Variants in GPT observed in about 807,000 individuals in gnomAD.
GPT encodes the protein glutamic--pyruvic transaminase.
Under a neutral mutation model 51.4 loss-of-function variants are expected in GPT, and 60 were observed. The ratio of observed to expected loss-of-function variants is 1.17; its 90% CI spans 0.95 to 1.45. The LOEUF (loss-of-function observed/expected upper bound fraction) is 1.45, where lower values mean the gene tolerates loss of function less well. GPT is among the 40% of genes most tolerant of loss of function. GPT has a pLI of 0.00. For synonymous variants in GPT, 397 were observed against 303.1 expected (o/e 1.31, Z -3.22); for missense variants, 853 against 704.0 (o/e 1.21, Z -2.40).
At position 144,504,675 on chromosome 8, in the gene GPT, C is replaced by G. The variant is rs372867794; in HGVS notation, c.234C>G (p.Pro78=). 6.2e-7 allele frequency: 1 copy of G among 1,613,346 alleles called. No homozygotes were observed. Among genetic ancestry groups the G allele is most frequent in the Non-Finnish European group, 8.5e-7 (1 of 1,180,004 alleles). ...ACGCACAGGCTATGGGGCAGAGGCC[C>G]ATCACCTTCCTGCGCCAGGTGAGGC... ...IGDAQAMGQR[P]ITFLRQVLAL... The change falls in exon 2 of 11, where the codon CCC becomes CCG. Residue 78 remains proline (P), a synonymous_variant. Coordinates refer to ENST00000394955, the MANE Select transcript of GPT (RefSeq NM_005309.3).
chr8:144,504,736 C>A, intron 2 of GPT, 35 bp from the exon 3 acceptor site: 1 of 1,612,190 alleles, frequency 6.2e-7, no homozygotes, highest in South Asian at 1.1e-5. Context: ...CACCCCCAGC[C>A]CATGTGCCCT....
rs368474149 is a variant in GPT at position 144,504,859 on chromosome 8, C to T, written c.341C>T (p.Ala114Val). The change falls in exon 3 of 11, where the codon GCG becomes GTG. Residue 114 changes from alanine to valine, a missense_variant. By Grantham distance (64) the Ala-to-Val change is moderately conservative. Transcript: ENST00000394955. The part of the protein sequence containing the change: ...AKKRAERILQ[A>V]CGGHSLGAYS... ...AAAAGGGCGGAGCGCATCTTGCAGG[C>T]GTGTGGGGGCCACAGTCTGGGTGAG... The T allele has an allele frequency of 4.8e-5, 78 of 1,613,194 alleles. No homozygotes were observed. Among genetic ancestry groups the T allele is most frequent in the Middle Eastern group, 3.3e-4 (2 of 6,084 alleles).
chr8:144,506,869 C>T lies in GPT; in HGVS notation c.1400+26C>T. On this transcript the variant is annotated intron_variant, in intron 10 of 10. Transcript: ENST00000394955. The surrounding 1 kb of genome is among the most constrained non-coding windows in gnomAD (Gnocchi z 7.0). ...GTGAGGCCTGGCCCTCACTCCCTGT[C>T]CCGCCACCCTGGCCCTTCACTCACT... 1.2e-6 allele frequency: 2 copies of T among 1,611,864 alleles called. No individual in the cohort carries two copies. Among genetic ancestry groups the T allele is most frequent in the Non-Finnish European group, 1.7e-6 (2 of 1,179,008 alleles).
At position 144,506,370 on chromosome 8, in the gene GPT, C is replaced by T. The variant is rs757715535; in HGVS notation, c.1095C>T (p.Pro365=). 17 of 1,561,086 alleles carry T rather than the reference C, an allele frequency of 1.1e-5. No individual in the cohort carries two copies. The highest frequency in any genetic ancestry group is 4.7e-5 in the South Asian group (4 of 85,890). Residue 365 remains proline, a synonymous_variant, in exon 8 of 11, where the codon CCC becomes CCT. Transcript: ENST00000394955. This position sits in a 1 kb window ranked among gnomAD's most constrained non-coding sequence, Gnocchi z 7.0. The stretch of plus-strand genomic sequence containing the variant: ...TGCTGGACCTGGTGGTCAGCCCGCC[C>T]GCGCCCACCGACCCCTCCTTTGCGC... The part of the protein sequence containing the change: ...QALLDLVVSP[P]APTDPSFAQF...
Position 144,506,551 on chromosome 8 carries a change from G to A in GPT, c.1182G>A (p.Glu394=). ...AELAAKAKLT[E]QVFNEAPGIS... ...TGGCGGCCAAGGCCAAGCTCACCGA[G>A]CAGGTCTTCAATGAGGCTCCTGGCA... The change falls in exon 9 of 11, where the codon GAG becomes GAA. Residue 394 remains glutamate (E), a synonymous_variant. Coordinates refer to ENST00000394955, the MANE Select transcript of GPT (RefSeq NM_005309.3). The surrounding 1 kb of genome is among the most constrained non-coding windows in gnomAD (Gnocchi z 7.0). The A allele has an allele frequency of 2.5e-6, 4 of 1,591,024 alleles. No individual in the cohort carries two copies. Among genetic ancestry groups the A allele is most frequent in the Non-Finnish European group, 3.4e-6 (4 of 1,169,994 alleles).
Position 144,506,651 on chromosome 8 carries a change from G to T in GPT, c.1282G>T (p.Ala428Ser). The T allele has an allele frequency of 6.4e-7, 1 of 1,556,776 alleles. No individual in the cohort carries two copies. The highest frequency in any genetic ancestry group is 8.7e-7 in the Non-Finnish European group (1 of 1,150,598). Reference protein sequence around the residue: ...VQLPPRAVERAQELGLAPDMF... With the variant: ...VQLPPRAVERSQELGLAPDMF... ...GCTGCCCCCGCGGGCGGTGGAGCGC[G>T]CTCAGGTCAGGCGGGGGCGGGGCCT... Residue 428 changes from alanine (A) to serine (S), a missense_variant, in exon 9 of 11, where the codon GCT becomes TCT. Coordinates refer to ENST00000394955, the MANE Select transcript of GPT (RefSeq NM_005309.3). The surrounding 1 kb of genome is among the most constrained non-coding windows in gnomAD (Gnocchi z 7.0).
intron 5 of GPT, 80 bp from the exon 6 acceptor site, chr8:144,505,768 T>G (rs1295330273): frequency 4.3e-6 from 5 of 1,167,530 alleles, no homozygotes; most frequent in African/African-American, 1.7e-5. Context: ...CAGTGCCGGG[T>G]CCGCTGGACC....
At chr8:144,505,675 C>T (rs1826763273) in intron 5 of GPT, among the ~76,000 whole-genome samples, 173 bp from the exon 6 acceptor site, 1 of 98,360 alleles carries the variant, frequency 1.0e-5, no homozygotes, top group Non-Finnish European at 2.1e-5. Flanking sequence ...CCCCGCCGCC[C>T]CGCCCCACTC....
chr8:144,504,036 G>C (rs2130609838), upstream of GPT: 2 of 547,824 alleles, frequency 3.7e-6, no homozygotes, highest in Non-Finnish European at 6.6e-6. Context: ...AGCCCCGCCT[G>C]CCACCTCACC....
Position 144,507,044 on chromosome 8 carries a change from T to C in GPT, c.*44T>C. 8.2e-7 allele frequency: 1 copy of C among 1,212,990 alleles called. No individual in the cohort carries two copies. Among genetic ancestry groups the C allele is most frequent in the South Asian group, 1.2e-5 (1 of 84,816 alleles). The allele number at this position is 1,212,990 out of a possible 1,614,324, so 75.1% of individuals were successfully genotyped here. On this transcript the variant is annotated 3_prime_UTR_variant, in exon 11 of 11. Transcript: ENST00000394955. ...GGCTGGGTCGCCCTGGACTGTGTGC[T>C]CAGGAGCCCTGGGAGGCTCTGGAGC...
upstream of GPT, chr8:144,504,013 G>A (rs562085930): frequency 5.8e-5 from 30 of 513,340 alleles, no homozygotes; most frequent in African/African-American, 5.4e-4. Flanking sequence ...GGCAGGCACT[G>A]GGCCTTGCCC....
chr8:144,503,932 A>AT, upstream of GPT: 1 of 328,370 alleles, frequency 3.0e-6, no homozygotes, highest in African/African-American at 2.2e-5. Flanking sequence ...CTAGTCCCTC[A>AT]GAGCTGTCCG....
At position 144,506,781 on chromosome 8, in the gene GPT, G is replaced by A. The variant is rs752135706; in HGVS notation, c.1338G>A (p.Glu446=). The A allele has an allele frequency of 6.2e-7, 1 of 1,612,554 alleles. No homozygotes were observed. The highest frequency in any genetic ancestry group is 8.5e-7 in the Non-Finnish European group (1 of 1,179,988). ...TCTTCTGCCTGCGCCTCCTGGAGGA[G>A]ACCGGCATCTGCGTGGTGCCAGGGA... The part of the protein sequence containing the change: ...DMFFCLRLLE[E]TGICVVPGSG... Residue 446 remains glutamate (E), a synonymous_variant, in exon 10 of 11, where the codon GAG becomes GAA. Transcript: ENST00000394955. The surrounding 1 kb of genome is among the most constrained non-coding windows in gnomAD (Gnocchi z 7.0).
chr8:144,506,244 C>T lies in GPT; in HGVS notation c.969C>T (p.Arg323=), dbSNP rs748143101. Residue 323 remains arginine (R), a synonymous_variant, in exon 8 of 11, where the codon CGC becomes CGT. Coordinates refer to ENST00000394955, the MANE Select transcript of GPT (RefSeq NM_005309.3). The surrounding 1 kb of genome is among the most constrained non-coding windows in gnomAD (Gnocchi z 7.0). ...TGGCCGTGCGCAGGTGCGGGTTCCG[C>T]GGCGGCTATGTGGAGGTGGTGAACA... ...SKGYMGECGF[R]GGYVEVVNMD... The T allele has an allele frequency of 5.6e-6, 9 of 1,606,762 alleles. No homozygotes were observed. The highest frequency in any genetic ancestry group is 1.3e-5 in the African/African-American group (1 of 74,888).
chr8:144,505,179 C>T (rs370098669), intron 4 of GPT, 48 bp downstream of exon 4: 135 of 1,612,598 alleles, frequency 8.4e-5, no homozygotes, highest in Middle Eastern at 1.6e-4. Flanking sequence ...GCAGAGGGGG[C>T]GCCCAGGGTG....
rs776969044 is a variant in GPT at position 144,506,198 on chromosome 8, C to G, written c.957-34C>G. 2 of 1,600,966 alleles carry G rather than the reference C, an allele frequency of 1.2e-6. No homozygotes were observed. Among genetic ancestry groups the G allele is most frequent in the South Asian group, 2.2e-5 (2 of 90,000 alleles). On this transcript the variant is annotated intron_variant, in intron 7 of 10. Transcript: ENST00000394955. This position sits in a 1 kb window ranked among gnomAD's most constrained non-coding sequence, Gnocchi z 7.0. The stretch of plus-strand genomic sequence containing the variant: ...CAGGCCCTCCTCGCCCGATGGGCCA[C>G]CCCCTCCTCCGCACCTGACCTGGCC...
chr8:144,504,576 C>T lies in GPT; in HGVS notation c.163-28C>T, dbSNP rs112827945. 8,748 of 1,609,008 alleles carry T rather than the reference C, an allele frequency of 5.4e-3. 407 individuals are homozygous for T. The African/African-American group carries it at 0.1, about 19-fold the overall frequency. Reference sequence around the variant, plus strand: ...GCTGAGGGGTTAGGTAGGGCACAGTCTCCCTGCCTGCTCCCCTCCCCTCCC... The same window carrying T: ...GCTGAGGGGTTAGGTAGGGCACAGTTTCCCTGCCTGCTCCCCTCCCCTCCC... On this transcript the variant is annotated intron_variant, in intron 1 of 10. Transcript: ENST00000394955.
In GPT at chr8:144,506,552, C is replaced by T; in HGVS notation, c.1183C>T (p.Gln395Ter). 1.3e-6 allele frequency: 2 copies of T among 1,590,700 alleles called. No individual in the cohort carries two copies. The highest frequency in any genetic ancestry group is 1.7e-6 in the Non-Finnish European group (2 of 1,169,812). ...GGCGGCCAAGGCCAAGCTCACCGAG[C>T]AGGTCTTCAATGAGGCTCCTGGCAT... ...ELAAKAKLTE[Q>*]VFNEAPGISC... Residue 395 changes from glutamine to a stop codon, truncating the protein, a stop_gained, in exon 9 of 11, where the codon CAG (glutamine) becomes TAG (stop). Coordinates refer to ENST00000394955, the MANE Select transcript of GPT (RefSeq NM_005309.3). LOFTEE classifies it high-confidence loss of function. This position sits in a 1 kb window ranked among gnomAD's most constrained non-coding sequence, Gnocchi z 7.0.
Position 144,505,468 on chromosome 8 carries a change from A to G in GPT, c.718A>G (p.Ile240Val). ...DHCRPRALCV[I>V]NPGNPTGQVQ... ...CTGCCGCCCTCGTGCGCTCTGTGTCATCAACCCTGGCAACCCCACCGGTGC... is the reference window on the plus strand; with the variant it reads ...CTGCCGCCCTCGTGCGCTCTGTGTCGTCAACCCTGGCAACCCCACCGGTGC... Residue 240 changes from isoleucine to valine, a missense_variant, in exon 5 of 11, where the codon ATC (isoleucine) becomes GTC (valine). Ile to Val is a conservative substitution (Grantham distance 29). Transcript: ENST00000394955. 1 of 1,592,004 alleles carries G rather than the reference A, an allele frequency of 6.3e-7. No homozygotes were observed. Among genetic ancestry groups the G allele is most frequent in the East Asian group, 2.3e-5 (1 of 43,952 alleles).
Sources: allele counts gnomAD v4.1 joint callset (sites outside exome capture counted in the v4.1 genomes callset), GRCh38; gene constraint gnomAD v4.1.1; non-coding constraint Gnocchi (gnomAD v3.1); transcripts MANE v1.5; gene names NCBI Gene and HGNC (gene_info 2026-07-23, HGNC 2026-07-21).